The following FARS2 variants were observed in gnomAD, a reference collection of about 807,000 sequenced individuals.
FARS2 encodes phenylalanine--tRNA ligase, mitochondrial.
In FARS2, 40 loss-of-function variants were observed where a neutral mutation model predicts 46.4. That is an observed-to-expected ratio of 0.86 (90% CI 0.67 to 1.12). The LOEUF (loss-of-function observed/expected upper bound fraction) is 1.12, where lower values mean the gene tolerates loss of function less well. Among genes scored for constraint, FARS2 ranks in the 50% most tolerant of loss-of-function variants. The pLI is 0.00. For synonymous variants in FARS2, 234 were observed against 214.9 expected (o/e 1.09, Z -0.78); for missense variants, 513 against 567.9 (o/e 0.90, Z 0.98).
At chr6:5,636,881 G>C (rs755296279) in intron 6 of FARS2, among the ~76,000 whole-genome samples, 1 of 152,218 alleles carries the variant, frequency 6.6e-6, no homozygotes, top group African/African-American at 2.4e-5. Context: ...GAGCCACTAC[G>C]TTGACAGAAG....
intron 4 of FARS2, among the ~76,000 whole-genome samples, chr6:5,453,449 A>G (rs771346820): frequency 6.6e-6 from 1 of 152,230 alleles, no homozygotes; most frequent in Non-Finnish European, 1.5e-5. Context: ...CAGAGAAAGC[A>G]CAATATTCTT....
At chr6:5,485,390 C>G (rs1293609770) in intron 4 of FARS2, among the ~76,000 whole-genome samples, 1 of 152,098 alleles carries the variant, frequency 6.6e-6, no homozygotes, top group East Asian at 1.9e-4. Context: ...TTTGCCTTCT[C>G]TTAGGCTTGC....
At chr6:5,431,215 A>G in intron 4 of FARS2, 43 bp downstream of exon 4, 2 of 1,605,888 alleles carry the variant, frequency 1.2e-6, no homozygotes, top group Non-Finnish European at 1.7e-6. Context: ...GCTCTAAAGG[A>G]ACCCTCCCTT....
At chr6:5,334,652 G>A (rs921000490) in intron 1 of FARS2, among the ~76,000 whole-genome samples, 8 of 152,120 alleles carry the variant, frequency 5.3e-5, no homozygotes, top group African/African-American at 1.9e-4. Flanking sequence ...AAAATCAAGT[G>A]TGGTGGAAGA....
At chr6:5,672,309 C>T (rs925255505) in intron 6 of FARS2, among the ~76,000 whole-genome samples, 47 of 152,188 alleles carry the variant, frequency 3.1e-4, no homozygotes, top group African/African-American at 1.1e-3. Flanking sequence ...CCTCACTATC[C>T]CCTGGCCACG....
At chr6:5,703,677 AC>A (rs1162225251) in intron 6 of FARS2, among the ~76,000 whole-genome samples, 1 of 151,834 alleles carries the variant, frequency 6.6e-6, no homozygotes, top group Non-Finnish European at 1.5e-5. Flanking sequence ...CTCTCAACCT[AC>A]CATCTTGGCC....
chr6:5,750,957 G>GA (rs1761911386), intron 6 of FARS2, among the ~76,000 whole-genome samples: 1 of 152,064 alleles, frequency 6.6e-6, no homozygotes. Flanking sequence ...ACTCAACCTA[G>GA]AACTTGATGC....
At chr6:5,624,227 C>T (rs1775920044) in intron 6 of FARS2, among the ~76,000 whole-genome samples, 1 of 152,326 alleles carries the variant, frequency 6.6e-6, no homozygotes, top group Non-Finnish European at 1.5e-5. Context: ...TTTCCTCCTT[C>T]CCCAAGCTTT....
rs375439106 is a variant in FARS2, at chr6:5,404,533, G to C, written c.613-9G>C. On this transcript the variant is annotated splice_polypyrimidine_tract_variant and intron_variant, in intron 2 of 6. Transcript: ENST00000274680. ...TTTTCTTTATTTATACTTTCCTGTT[G>C]GTTTACAGTTATTTGCTGGTATAAA... 3 of 1,563,574 alleles carry C rather than the reference G, an allele frequency of 1.9e-6. No homozygotes were observed. Among genetic ancestry groups the C allele is most frequent in the African/African-American group, 2.7e-5 (2 of 73,138 alleles).
chr6:5,707,101 A>G (rs1359385853), intron 6 of FARS2, among the ~76,000 whole-genome samples: 3 of 152,112 alleles, frequency 2.0e-5, no homozygotes, highest in Non-Finnish European at 2.9e-5. Flanking sequence ...GCATTCTTTT[A>G]TTAGAGACCT....
At chr6:5,475,011 A>G (rs1336958342) in intron 4 of FARS2, among the ~76,000 whole-genome samples, 1 of 152,206 alleles carries the variant, frequency 6.6e-6, no homozygotes, top group Admixed American at 6.5e-5. Flanking sequence ...GTAGTCTGCC[A>G]TTTACCAAAA....
At chr6:5,573,258 T>A (rs1004300440) in intron 5 of FARS2, among the ~76,000 whole-genome samples, 1 of 152,188 alleles carries the variant, frequency 6.6e-6, no homozygotes, top group African/African-American at 2.4e-5. Context: ...TCTGTTCAAT[T>A]ACTGCTCTTA....
intron 1 of FARS2, among the ~76,000 whole-genome samples, chr6:5,304,277 A>G (rs765240770): frequency 4.6e-5 from 7 of 152,166 alleles, no homozygotes; most frequent in Non-Finnish European, 7.4e-5. Context: ...TAATCCCCAT[A>G]GTTACCATTT....
intron 6 of FARS2, among the ~76,000 whole-genome samples, chr6:5,706,006 A>G (rs1411072739): frequency 6.6e-6 from 1 of 152,154 alleles, no homozygotes; most frequent in East Asian, 1.9e-4. Context: ...AGCAGTCCCC[A>G]ACGTTTTTGG....
In FARS2 at chr6:5,472,912, A is replaced by G. The variant is rs374537401; in HGVS notation, c.904+41740A>G. ...ACTTTGTTAAATACAGAGAGCACAC[A>G]TTCAGTATATGTCACACACAAAATT... On this transcript the variant is annotated intron_variant, in intron 4 of 6. Transcript: ENST00000274680. 4.6e-5 allele frequency among the ~76,000 whole-genome samples: 7 copies of G among 152,334 alleles called. No individual in the cohort carries two copies. The South Asian group carries it at 8.3e-4, about 18-fold the overall frequency.
At chr6:5,388,908 T>TA (rs974779288) in intron 2 of FARS2, among the ~76,000 whole-genome samples, 19 of 152,170 alleles carry the variant, frequency 1.2e-4, no homozygotes, top group African/African-American at 4.3e-4. Context: ...AAAATCCTTT[T>TA]AAAAAATCCC....
intron 6 of FARS2, among the ~76,000 whole-genome samples, chr6:5,640,166 A>G (rs1157155381): frequency 9.1e-6 from 1 of 109,852 alleles, no homozygotes; most frequent in Non-Finnish European, 1.9e-5. Context: ...GTGTGTGTGT[A>G]CCTGAGAAAA....
chr6:5,256,042 A>G, the FARS2 span, among the ~76,000 whole-genome samples: 672 of 152,062 alleles, frequency 4.4e-3, 2 homozygotes, highest in African/African-American at 0.015. Flanking sequence ...TACAGCCCCC[A>G]TTAACAAAGA....
chr6:5,673,184 G>A (rs1214333482), intron 6 of FARS2, among the ~76,000 whole-genome samples: 1 of 152,202 alleles, frequency 6.6e-6, no homozygotes. Flanking sequence ...ACCAATTAGA[G>A]AAGCACTGTC....
Sources: gnomAD v4.1 joint callset for allele counts (sites outside exome capture counted in the v4.1 genomes callset) on GRCh38, gnomAD v4.1.1 for gene constraint, MANE v1.5 for transcripts, NCBI Gene and HGNC (gene_info 2026-07-23, HGNC 2026-07-21) for gene names.